The following CCT3 variants were observed in gnomAD, a reference collection of about 807,000 sequenced individuals.
CCT3 encodes the protein chaperonin containing TCP1 subunit 3, also known as T-complex protein 1 subunit gamma.
CCT3 carries 10 observed loss-of-function variants against 65.3 expected under a neutral mutation model. That is an observed-to-expected ratio of 0.15 (90% CI 0.09 to 0.26). The LOEUF (loss-of-function observed/expected upper bound fraction) is 0.26, where lower values mean the gene tolerates loss of function less well. Ranked by LOEUF, CCT3 falls within the 10% of genes least tolerant of loss-of-function variation. The pLI is 1.00. For missense variants in CCT3, 626 were observed against 708.7 expected (o/e 0.88, Z 1.33); for synonymous variants, 225 against 242.3 (o/e 0.93, Z 0.66).
chr1:156,334,612 T>A, intron 4 of CCT3, 101 bp downstream of exon 4: 1 of 1,031,078 alleles, frequency 9.7e-7, no homozygotes. Context: ...TAATCTGTTA[T>A]AGCAGCCCTA....
At chr1:156,328,607 T>C (rs1390902600) in intron 5 of CCT3, among the ~76,000 whole-genome samples, 2 of 151,878 alleles carry the variant, frequency 1.3e-5, no homozygotes, top group African/African-American at 4.8e-5. Context: ...CAGGGTTAAA[T>C]GGATTAAGGG....
chr1:156,313,409 C>A (rs1252251317), intron 10 of CCT3, among the ~76,000 whole-genome samples: 2 of 148,080 alleles, frequency 1.4e-5, no homozygotes, highest in African/African-American at 2.5e-5. Context: ...ATGGTATCTG[C>A]CTAAATACAA....
intron 7 of CCT3, among the ~76,000 whole-genome samples, chr1:156,319,500 C>T (rs1013064223): frequency 1.3e-5 from 2 of 151,956 alleles, no homozygotes; most frequent in African/African-American, 4.8e-5. Flanking sequence ...TTAGGAAATA[C>T]ACCAATTTTA....
intron 4 of CCT3, 45 bp downstream of exon 4, chr1:156,334,668 A>C: frequency 6.3e-7 from 1 of 1,576,356 alleles, no homozygotes. Context: ...TTATGTTTAC[A>C]GAACTGTCAG....
At chr1:156,320,080 A>G (rs1452686811) in intron 7 of CCT3, among the ~76,000 whole-genome samples, 2 of 152,184 alleles carry the variant, frequency 1.3e-5, no homozygotes, top group African/African-American at 4.8e-5. Flanking sequence ...GTTTCCAGGC[A>G]GCAAGTATAG....
rs1572624147 is a variant in CCT3, at chr1:156,309,107, G to C, written c.*92C>G. 2.2e-6 allele frequency: 2 copies of C among 890,282 alleles called. No homozygotes were observed. Among genetic ancestry groups the C allele is most frequent in the East Asian group, 4.8e-5 (2 of 41,342 alleles). 55.1% of individuals were successfully genotyped at this position (890,282 alleles called of 1,614,324 possible). A position where few individuals can be genotyped will look rare whatever the true frequency, so the allele number is the denominator to read the frequency against. On this transcript the variant is annotated 3_prime_UTR_variant, in exon 14 of 14. Transcript: ENST00000295688. The stretch of plus-strand genomic sequence containing the variant: ...GCTGCCCCCCAACCTGATCCCTTCT[G>C]AACAAAGACGTCCACAGTGTTCCTG...
intron 5 of CCT3, among the ~76,000 whole-genome samples, chr1:156,329,864 G>A (rs534075120): frequency 2.5e-4 from 38 of 151,854 alleles, no homozygotes; most frequent in African/African-American, 7.5e-4. Context: ...GCTGGAACCC[G>A]GGAGGCAGAG....
chr1:156,331,730 T>C (rs1347954132), intron 5 of CCT3, among the ~76,000 whole-genome samples: 1 of 149,838 alleles, frequency 6.7e-6, no homozygotes, highest in African/African-American at 2.5e-5. Flanking sequence ...TAGCATCCCT[T>C]ATTTTAAAAT....
chr1:156,336,675 C>G (rs1272513818), intron 1 of CCT3, among the ~76,000 whole-genome samples: 1 of 152,214 alleles, frequency 6.6e-6, no homozygotes, highest in East Asian at 1.9e-4. Flanking sequence ...CACTCACCCC[C>G]AGGCCATGTC....
intron 11 of CCT3, 34 bp downstream of exon 11, chr1:156,312,007 A>C: frequency 4.5e-6 from 7 of 1,554,958 alleles, no homozygotes; most frequent in Non-Finnish European, 5.2e-6. Context: ...TCAGTGATCT[A>C]CTTCATCTGG....
At chr1:156,311,410 G>A (rs922153252) in intron 11 of CCT3, among the ~76,000 whole-genome samples, 10 of 152,194 alleles carry the variant, frequency 6.6e-5, no homozygotes, top group Admixed American at 2.0e-4. Flanking sequence ...TATCTGCAAA[G>A]GGTTTGGGGG....
chr1:156,311,932 C>T, intron 11 of CCT3, 109 bp downstream of exon 11: 2 of 792,604 alleles, frequency 2.5e-6, no homozygotes, highest in South Asian at 4.3e-5. Flanking sequence ...GCTATAGGTC[C>T]AAATTAAATA....
At position 156,317,491 on chromosome 1, in the gene CCT3, T is replaced by C. The variant is rs1279601605; in HGVS notation, c.816A>G (p.Glu272=). Residue 272 remains glutamate (E), a synonymous_variant, in exon 9 of 14, where the codon GAA becomes GAG. Transcript: ENST00000295688. ...EDFTRILQME[E]EYIQQLCEDI... The stretch of plus-strand genomic sequence containing the variant: ...CCTCACAGAGCTGCTGGATGTACTC[T>C]TCCTCCATCTGGAGAATTCGGGTGA... 2 of 1,613,942 alleles carry C rather than the reference T, an allele frequency of 1.2e-6. No individual in the cohort carries two copies. Among genetic ancestry groups the C allele is most frequent in the Admixed American group, 3.3e-5 (2 of 60,002 alleles).
At chr1:156,334,668 A>G (rs1003752335) in intron 4 of CCT3, 45 bp downstream of exon 4, 1 of 1,576,356 alleles carries the variant, frequency 6.3e-7, no homozygotes, top group Non-Finnish European at 8.7e-7. Context: ...TTATGTTTAC[A>G]GAACTGTCAG....
chr1:156,315,954 C>T (rs780929594), intron 10 of CCT3, among the ~76,000 whole-genome samples: 27 of 152,084 alleles, frequency 1.8e-4, no homozygotes, highest in Non-Finnish European at 3.2e-4. Context: ...TCCTGTACTG[C>T]CCAGTTGAGT....
chr1:156,337,852 G>A (rs1665506502), intron 1 of CCT3: 1 of 487,616 alleles, frequency 2.1e-6, no homozygotes, highest in Non-Finnish European at 3.7e-6. Context: ...AGGCTAGAAA[G>A]GGCGCAGGGG....
At chr1:156,325,710 T>C (rs2101656056) in intron 5 of CCT3, among the ~76,000 whole-genome samples, 1 of 152,080 alleles carries the variant, frequency 6.6e-6, no homozygotes, top group South Asian at 2.1e-4. Context: ...CCCAAGTAGC[T>C]GGGATTACAT....
chr1:156,315,383 ATTAT>A, intron 10 of CCT3, among the ~76,000 whole-genome samples: 1 of 151,912 alleles, frequency 6.6e-6, no homozygotes, highest in East Asian at 1.9e-4. Flanking sequence ...TAATTTTTGT[ATTAT>A]TATTAGAGAT....
In CCT3 at chr1:156,310,934, T is replaced by C. The variant is rs746053197; in HGVS notation, c.1401+16A>G. The C allele has an allele frequency of 1.1e-5, 17 of 1,609,852 alleles. No individual in the cohort carries two copies. Among genetic ancestry groups the C allele is most frequent in the Non-Finnish European group, 1.3e-5 (15 of 1,177,528 alleles). ...TTCCCTGCTCCATCAAGAGAAAAGCTTGGAGAGGAACTCACCCGAAGGGAG... is the reference window on the plus strand; with the variant it reads ...TTCCCTGCTCCATCAAGAGAAAAGCCTGGAGAGGAACTCACCCGAAGGGAG... On this transcript the variant is annotated intron_variant, in intron 12 of 13. Transcript: ENST00000295688.
Sources: allele counts gnomAD v4.1 joint callset (sites outside exome capture counted in the v4.1 genomes callset), GRCh38; gene constraint gnomAD v4.1.1; transcripts MANE v1.5; gene names NCBI Gene and HGNC (gene_info 2026-07-23, HGNC 2026-07-21).